EPHA8: variants seen among roughly 807,000 people sequenced by gnomAD.
EPHA8 encodes EPH receptor A8.
In EPHA8, 58 loss-of-function variants were observed where a neutral mutation model predicts 103.6. The ratio of observed to expected loss-of-function variants is 0.56; its 90% CI spans 0.45 to 0.70. EPHA8 has a LOEUF of 0.70. Among genes scored for constraint, EPHA8 ranks in the 30% least tolerant of loss-of-function variants. The pLI is 0.00. For synonymous variants in EPHA8, 559 were observed against 572.5 expected (o/e 0.98, Z 0.34); for missense variants, 1,304 against 1,395.2 (o/e 0.93, Z 1.04).
chr1:22,579,171 G>A (rs1640954763), intron 3 of EPHA8, among the ~76,000 whole-genome samples: 1 of 151,608 alleles, frequency 6.6e-6, no homozygotes, highest in Non-Finnish European at 1.5e-5. Context: ...GTATGCATGT[G>A]TGTGCATGTG....
intron 3 of EPHA8, among the ~76,000 whole-genome samples, chr1:22,578,453 AGT>A (rs1640855533): frequency 8.9e-6 from 1 of 111,764 alleles, no homozygotes; most frequent in African/African-American, 3.8e-5. Context: ...CATGTGTGCG[AGT>A]GTATGCATGT....
intron 3 of EPHA8, among the ~76,000 whole-genome samples, chr1:22,578,992 CATGTGTATATGCATGTGTGT>C (rs1640932362): frequency 7.3e-6 from 1 of 136,520 alleles, no homozygotes; most frequent in African/African-American, 2.8e-5. Context: ...TGTATGTGTG[CATGTGTATATGCATGTGTGT>C]GCATATGTGC....
chr1:22,586,806 C>T (rs1450128333), intron 4 of EPHA8, among the ~76,000 whole-genome samples, 171 bp downstream of exon 4: 2 of 152,208 alleles, frequency 1.3e-5, no homozygotes, highest in East Asian at 1.9e-4. Context: ...GATCCCTCCA[C>T]GGTGGCCTAG....
rs748354273 is a variant in EPHA8 at position 22,576,760 on chromosome 1, C to T, written c.703C>T (p.Arg235Trp). ...GGTGGAGGTGAGGGGCCAGTGCGTG[C>T]GGCACTCAGAGGAGCGGGACACACC... ...SLVEVRGQCVRHSEERDTPKM... is the reference protein window; with the variant it reads ...SLVEVRGQCVWHSEERDTPKM... Residue 235 changes from arginine (R) to tryptophan (W), a missense_variant, in exon 3 of 17, where the codon CGG (arginine) becomes TGG (tryptophan). Physicochemically the swap from Arg to Trp is moderately radical, Grantham distance 101. Transcript: ENST00000166244. The surrounding 1 kb of genome is among the most constrained non-coding windows in gnomAD (Gnocchi z 4.8). The T allele has an allele frequency of 4.3e-6, 7 of 1,613,640 alleles. No homozygotes were observed. Among genetic ancestry groups the T allele is most frequent in the Middle Eastern group, 1.6e-4 (1 of 6,070 alleles).
rs750591020 is a variant in EPHA8, at chr1:22,593,704, G to C, written c.1603+18G>C. 6.4e-7 allele frequency: 1 copy of C among 1,562,222 alleles called. No individual in the cohort carries two copies. Among genetic ancestry groups the C allele is most frequent in the Admixed American group, 1.9e-5 (1 of 53,822 alleles). Reference sequence around the variant, plus strand: ...GAAACCCCGTGAGTGCAGGGAGGGGGCGTGGGCGCGGAGCAGCCCAGGTGC... The same window carrying C: ...GAAACCCCGTGAGTGCAGGGAGGGGCCGTGGGCGCGGAGCAGCCCAGGTGC... On this transcript the variant is annotated intron_variant, in intron 7 of 16. Transcript: ENST00000166244.
intron 5 of EPHA8, among the ~76,000 whole-genome samples, chr1:22,591,483 A>G (rs1318289959): frequency 1.3e-5 from 2 of 151,382 alleles, no homozygotes; most frequent in Non-Finnish European, 2.9e-5. Context: ...AGCCTCCCAC[A>G]GTACTGGGAT....
At position 22,602,273 on chromosome 1, in the gene EPHA8, C is replaced by T. The variant is rs1346018707; in HGVS notation, c.*532C>T. ...GAACTCAGTGTGACACCGCCAGGTC[C>T]AGCACCCATGGGGGCGGGGGAGAGG... On this transcript the variant is annotated 3_prime_UTR_variant, in exon 17 of 17. Coordinates refer to ENST00000166244, the MANE Select transcript of EPHA8 (RefSeq NM_020526.5). The T allele has an allele frequency of 2.3e-5, 4 of 171,352 alleles. No homozygotes were observed. The highest frequency in any genetic ancestry group is 9.6e-5 in the African/African-American group (4 of 41,460). The allele number at this position is 171,352 out of a possible 1,614,324, so 10.6% of individuals were successfully genotyped here. A position where few individuals can be genotyped will look rare whatever the true frequency, so the allele number is the denominator to read the frequency against.
At position 22,601,283 on chromosome 1, in the gene EPHA8, G is replaced by A; in HGVS notation, c.2730-17G>A. 1 of 1,586,024 alleles carries A rather than the reference G, an allele frequency of 6.3e-7. No homozygotes were observed. The highest frequency in any genetic ancestry group is 8.5e-7 in the Non-Finnish European group (1 of 1,170,718). Reference sequence around the variant, plus strand: ...CCCGAACCCTCTGGCCACTTACCAAGAGCCCCTGTGCCTCAGGTGCCCACC... The same window carrying A: ...CCCGAACCCTCTGGCCACTTACCAAAAGCCCCTGTGCCTCAGGTGCCCACC... On this transcript the variant is annotated splice_polypyrimidine_tract_variant and intron_variant, in intron 15 of 16. Coordinates refer to ENST00000166244, the MANE Select transcript of EPHA8 (RefSeq NM_020526.5).
intron 4 of EPHA8, 132 bp from the exon 5 acceptor site, chr1:22,588,739 G>A: frequency 1.4e-6 from 2 of 1,470,784 alleles, no homozygotes; most frequent in East Asian, 4.7e-5. Flanking sequence ...TGGAGTAGAT[G>A]TGGACCTTAT....
intron 2 of EPHA8, among the ~76,000 whole-genome samples, chr1:22,570,306 G>GTGCGTGTACACACATGCGCACACGTT (rs1279598287): frequency 1.4e-5 from 2 of 144,984 alleles, no homozygotes; most frequent in Non-Finnish European, 3.0e-5. Flanking sequence ...ATGCACACGT[G>GTGCGTGTACACACATGCGCACACGTT]TGCGTGTACA....
intron 3 of EPHA8, among the ~76,000 whole-genome samples, chr1:22,580,861 T>A (rs1198082192): frequency 6.6e-6 from 1 of 152,242 alleles, no homozygotes; most frequent in Non-Finnish European, 1.5e-5. Flanking sequence ...CTGAGCCAGG[T>A]ACAGGCTTTT....
At chr1:22,600,271 G>A (rs1417303074) in intron 13 of EPHA8, among the ~76,000 whole-genome samples, 1 of 148,258 alleles carries the variant, frequency 6.7e-6, no homozygotes, top group Admixed American at 6.7e-5. Context: ...AAGAAGGGAA[G>A]GAAGGAAGGG....
At position 22,598,784 on chromosome 1, in the gene EPHA8, C is replaced by T. The variant is rs1385740119; in HGVS notation, c.2179-54C>T. 76 of 1,572,234 alleles carry T rather than the reference C, an allele frequency of 4.8e-5. No individual in the cohort carries two copies. Among genetic ancestry groups the T allele is most frequent in the East Asian group, 9.1e-5 (4 of 44,128 alleles). On this transcript the variant is annotated intron_variant, in intron 12 of 16. Transcript: ENST00000166244. This position sits in a 1 kb window ranked among gnomAD's most constrained non-coding sequence, Gnocchi z 5.1. ...TACAGATGGGAGGTGTTCCTGTTCA[C>T]GGACCAGGCGCCTCGCCGGGCTTTC... is the stretch of plus-strand genomic sequence containing the variant.
At chr1:22,583,597 T>C (rs953679484) in intron 3 of EPHA8, among the ~76,000 whole-genome samples, 3 of 152,250 alleles carry the variant, frequency 2.0e-5, no homozygotes, top group African/African-American at 7.2e-5. Context: ...CTACATCAAA[T>C]TGTTATAACA....
At chr1:22,570,361 C>A (rs74060289) in intron 2 of EPHA8, among the ~76,000 whole-genome samples, 1 of 108,162 alleles carries the variant, frequency 9.2e-6, no homozygotes, top group Non-Finnish European at 1.8e-5. Context: ...CACACATGCA[C>A]ACACGTGTGC....
At chr1:22,575,823 G>A (rs1569961304) in intron 2 of EPHA8, among the ~76,000 whole-genome samples, 1 of 152,244 alleles carries the variant, frequency 6.6e-6, no homozygotes, top group Non-Finnish European at 1.5e-5. Context: ...TCTGGCAGCT[G>A]ATATGGAAAC....
intron 3 of EPHA8, among the ~76,000 whole-genome samples, chr1:22,578,435 C>T (rs10917253): frequency 5.3e-4 from 33 of 62,556 alleles, no homozygotes; most frequent in African/African-American, 2.2e-3. Context: ...CGTATGTGTA[C>T]GTGTGTGCAT....
intron 3 of EPHA8, among the ~76,000 whole-genome samples, chr1:22,577,804 GTATGTGTGCA>G (rs1251421491): frequency 6.2e-5 from 9 of 144,822 alleles, no homozygotes; most frequent in East Asian, 2.1e-4. Flanking sequence ...GTGCGTAAGT[GTATGTGTGCA>G]TGTGTGTGCA....
chr1:22,596,180 G>A lies in EPHA8; in HGVS notation c.1765+7G>A, dbSNP rs146789326. 6.2e-7 allele frequency: 1 copy of A among 1,613,632 alleles called. No individual in the cohort carries two copies. On this transcript the variant is annotated splice_region_variant and intron_variant, in intron 9 of 16. Coordinates refer to ENST00000166244, the MANE Select transcript of EPHA8 (RefSeq NM_020526.5). ...CACTATCAGAATGGACAGGGTGAGT[G>A]CAGGGGCCCGGTGGTCTGGGGCAGA...
Sources: gnomAD v4.1 joint callset for allele counts (sites outside exome capture counted in the v4.1 genomes callset) on GRCh38, gnomAD v4.1.1 for gene constraint, Gnocchi (gnomAD v3.1) non-coding constraint, MANE v1.5 for transcripts, NCBI Gene and HGNC (gene_info 2026-07-23, HGNC 2026-07-21) for gene names.